The following C17orf75 variants were observed in gnomAD, a reference collection of about 807,000 sequenced individuals.
The protein encoded by C17orf75 is chromosome 17 open reading frame 75.
C17orf75 carries 32 observed loss-of-function variants against 49.6 expected under a neutral mutation model. The ratio of observed to expected loss-of-function variants is 0.65; its 90% confidence interval spans 0.49 to 0.87. The LOEUF (loss-of-function observed/expected upper bound fraction) is 0.87, where lower values mean the gene tolerates loss of function less well. Ranked by LOEUF, C17orf75 falls within the 40% of genes least tolerant of loss-of-function variation. C17orf75 has a pLI of 0.00. For synonymous variants in C17orf75, 158 were observed against 159.5 expected (o/e 0.99, Z 0.07); for missense variants, 428 against 473.9 (o/e 0.90, Z 0.90).
At chr17:32,349,469 T>C (rs985058682) in intron 1 of C17orf75, among the ~76,000 whole-genome samples, 2 of 152,044 alleles carry the variant, frequency 1.3e-5, no homozygotes, top group East Asian at 3.9e-4. Flanking sequence ...CAGTCCCAGC[T>C]ACTCGGGAGG....
chr17:32,337,709 G>A (rs1040462528), intron 5 of C17orf75, among the ~76,000 whole-genome samples, 188 bp downstream of exon 5: 2 of 152,144 alleles, frequency 1.3e-5, no homozygotes. Flanking sequence ...AAGTAGCTGG[G>A]ACTACAGGTG....
upstream of C17orf75, among the ~76,000 whole-genome samples, chr17:32,346,464 C>A (rs1249379579): frequency 6.6e-6 from 1 of 152,204 alleles, no homozygotes; most frequent in Non-Finnish European, 1.5e-5. Flanking sequence ...GTTGCCCAGG[C>A]TCGCCTTAAA....
upstream of C17orf75, among the ~76,000 whole-genome samples, chr17:32,344,677 G>C (rs1251321036): frequency 6.6e-6 from 1 of 151,974 alleles, no homozygotes; most frequent in South Asian, 2.1e-4. Flanking sequence ...GGGAGGCCGA[G>C]GTGGGTGGAT....
At chr17:32,340,599 C>T (rs892122015) in intron 2 of C17orf75, among the ~76,000 whole-genome samples, 14 of 150,844 alleles carry the variant, frequency 9.3e-5, no homozygotes, top group African/African-American at 3.4e-4. Context: ...GAGCTGAGAT[C>T]GCACCACTGC....
At chr17:32,333,240 A>G (rs2041293400) in intron 9 of C17orf75, among the ~76,000 whole-genome samples, 177 bp downstream of exon 9, 1 of 152,232 alleles carries the variant, frequency 6.6e-6, no homozygotes, top group Non-Finnish European at 1.5e-5. Context: ...ATTAGAAATG[A>G]TATGTATACA....
At chr17:32,347,033 C>A (rs1482533474), upstream of C17orf75, among the ~76,000 whole-genome samples, 1 of 152,002 alleles carries the variant, frequency 6.6e-6, no homozygotes, top group Non-Finnish European at 1.5e-5. Context: ...CTCACTGCAA[C>A]CTCCACCTGC....
intron 3 of C17orf75, among the ~76,000 whole-genome samples, chr17:32,339,246 T>A (rs1472386408): frequency 1.2e-5 from 1 of 86,436 alleles, no homozygotes; most frequent in African/African-American, 7.5e-5. Context: ...CATCTGAAAA[T>A]GAAAATAAGA....
chr17:32,340,527 C>T (rs1388137626), intron 2 of C17orf75, among the ~76,000 whole-genome samples: 1 of 151,636 alleles, frequency 6.6e-6, no homozygotes, highest in East Asian at 1.9e-4. Flanking sequence ...TGCCTGTAGT[C>T]CTAGCTACTC....
chr17:32,342,216 C>T, upstream of C17orf75: 1 of 1,409,192 alleles, frequency 7.1e-7, no homozygotes, highest in Non-Finnish European at 9.3e-7. Context: ...TATCAGGGCT[C>T]GTCCGGCTCC....
chr17:32,339,793 A>C lies in C17orf75; in HGVS notation c.347+20T>G, dbSNP rs759050378. 4 of 1,613,074 alleles carry C rather than the reference A, an allele frequency of 2.5e-6. No individual in the cohort carries two copies. The highest frequency in any genetic ancestry group is 3.4e-6 in the Non-Finnish European group (4 of 1,179,604). Reference sequence around the variant, plus strand: ...TAGTTCAGAAATAAAAACTCAGGACACAGCACATTTTGCACTTACTTTAGC... The same window carrying C: ...TAGTTCAGAAATAAAAACTCAGGACCCAGCACATTTTGCACTTACTTTAGC... On this transcript the variant is annotated intron_variant, in intron 3 of 9. Transcript: ENST00000577809.
upstream of C17orf75, among the ~76,000 whole-genome samples, chr17:32,345,169 G>C (rs557713207): frequency 6.6e-6 from 1 of 151,698 alleles, no homozygotes; most frequent in African/African-American, 2.4e-5. Context: ...CATTTGATTG[G>C]ATATTCCTTA....
At chr17:32,346,675 C>T (rs1329077845), upstream of C17orf75, among the ~76,000 whole-genome samples, 3 of 151,942 alleles carry the variant, frequency 2.0e-5, no homozygotes, top group African/African-American at 2.4e-5. Context: ...CAGGTTCAAG[C>T]GATTCTCCTG....
rs1008541459 is a variant in C17orf75, at chr17:32,339,826, A to G, written c.334T>C (p.Ser112Pro). The G allele has an allele frequency of 1.2e-6, 2 of 1,613,886 alleles. No individual in the cohort carries two copies. The highest frequency in any genetic ancestry group is 1.3e-5 in the African/African-American group (1 of 74,924). The change falls in exon 3 of 10, where the codon TCT becomes CCT. Residue 112 changes from serine (S) to proline (P), a missense_variant. Physicochemically the swap from Ser to Pro is moderately conservative, Grantham distance 74. Coordinates refer to ENST00000577809, the MANE Select transcript of C17orf75 (RefSeq NM_022344.4). ...AVFEGLGNVA[S>P]VELKIPGYRV... ...TTTTGCACTTACTTTAGCTCCACAG[A>G]TGCAACATTACCCAGCCCTTCAAAG...
chr17:32,333,317 G>C (rs574114664), intron 9 of C17orf75, 100 bp downstream of exon 9: 22 of 802,244 alleles, frequency 2.7e-5, no homozygotes, highest in Non-Finnish European at 4.5e-5. Flanking sequence ...CTAATTAACA[G>C]ACATCACAGC....
intron 1 of C17orf75, among the ~76,000 whole-genome samples, chr17:32,347,302 G>C (rs1164434684): frequency 6.6e-6 from 1 of 151,194 alleles, no homozygotes; most frequent in East Asian, 1.9e-4. Context: ...CCCCGAGATG[G>C]AGTTTCACTC....
rs1033565422 is a variant in C17orf75, at chr17:32,349,203, G to C, written c.-7+739C>G. ...AGTCTTACCACGATTAGTTTTTCAC[G>C]TGCCCAGCCTCAAAGACTTAAACTC... On this transcript the variant is annotated intron_variant, in intron 1 of 8. Transcript: ENST00000583774. Among the ~76,000 whole-genome samples, 4 of 152,018 alleles carry C rather than the reference G, an allele frequency of 2.6e-5. No individual in the cohort carries two copies. The East Asian group carries it at 7.7e-4, about 29-fold the overall frequency.
In C17orf75 at chr17:32,331,851, T is replaced by C; in HGVS notation, c.1103A>G (p.Lys368Arg). Residue 368 changes from lysine to arginine, a missense_variant, in exon 10 of 10, where the codon AAA becomes AGA. Transcript: ENST00000577809. ...GSGDILLKIV[K>R]VEHEEMPEAK... ...TTCAGGCATTTCTTCATGTTCCACT[T>C]TAACAATCTTCAAAAGTATATCTCC... 1 of 1,613,774 alleles carries C rather than the reference T, an allele frequency of 6.2e-7. No homozygotes were observed.
At chr17:32,342,605 G>A (rs1597739197), upstream of C17orf75, among the ~76,000 whole-genome samples, 1 of 152,192 alleles carries the variant, frequency 6.6e-6, no homozygotes, top group South Asian at 2.1e-4. Flanking sequence ...AAAACACTTA[G>A]AAGTCATACA....
intron 5 of C17orf75, 56 bp downstream of exon 5, chr17:32,337,841 G>C: frequency 1.3e-6 from 2 of 1,490,104 alleles, no homozygotes; most frequent in Non-Finnish European, 1.8e-6. Flanking sequence ...ACAGGCGTGA[G>C]CCACTGAGCC....
Sources: allele counts gnomAD v4.1 joint callset (sites outside exome capture counted in the v4.1 genomes callset), GRCh38; gene constraint gnomAD v4.1.1; transcripts MANE v1.5; gene names NCBI Gene and HGNC (gene_info 2026-07-23, HGNC 2026-07-21).